Variants in LCA5L observed in about 807,000 individuals in gnomAD.
The protein encoded by LCA5L is lebercilin LCA5 like.
LCA5L carries 35 observed loss-of-function variants against 45.4 expected under a neutral mutation model. That is an observed-to-expected ratio of 0.77 (90% CI 0.59 to 1.02). The LOEUF is 1.02. Ranked by LOEUF, LCA5L falls within the 50% of genes least tolerant of loss-of-function variation. The pLI, the probability that LCA5L is intolerant of heterozygous loss-of-function variation, is 0.00. For synonymous variants in LCA5L, 233 were observed against 264.7 expected, an observed-to-expected ratio of 0.88 and a Z score of 1.16; for missense variants, 668 against 761.6, an observed-to-expected ratio of 0.88 and a Z score of 1.45.
intron 3 of LCA5L, among the ~76,000 whole-genome samples, chr21:39,433,960 A>G (rs1327495531): frequency 7.7e-6 from 1 of 130,386 alleles, no homozygotes; most frequent in African/African-American, 3.0e-5. Flanking sequence ...GTAGAGACAG[A>G]GTTTTGCCAA....
intron 2 of LCA5L, among the ~76,000 whole-genome samples, chr21:39,443,060 G>A (rs1022087098): frequency 6.6e-6 from 1 of 152,154 alleles, no homozygotes; most frequent in African/African-American, 2.4e-5. Context: ...AGTGAAATGG[G>A]GGCAGCAGTT....
chr21:39,420,197 G>A (rs781099476), intron 7 of LCA5L, among the ~76,000 whole-genome samples: 1 of 152,046 alleles, frequency 6.6e-6, no homozygotes, highest in African/African-American at 2.4e-5. Flanking sequence ...TATGATTGTA[G>A]AGAAAATATC....
At chr21:39,420,605 T>C in intron 7 of LCA5L, 101 bp downstream of exon 7, 1 of 973,736 alleles carries the variant, frequency 1.0e-6, no homozygotes, top group African/African-American at 1.6e-5. Flanking sequence ...CTTATATATG[T>C]ATGTAAAATA....
intron 7 of LCA5L, among the ~76,000 whole-genome samples, chr21:39,414,673 TAG>T (rs1486331740): frequency 6.6e-6 from 1 of 150,760 alleles, no homozygotes; most frequent in East Asian, 2.0e-4. Flanking sequence ...CTGCCAAGGC[TAG>T]GTCATAAAAG....
chr21:39,431,596 C>A (rs2075728587), intron 3 of LCA5L, among the ~76,000 whole-genome samples: 1 of 152,070 alleles, frequency 6.6e-6, no homozygotes, highest in South Asian at 2.1e-4. Context: ...CGGCTCACTG[C>A]AACCTCTGCC....
intron 7 of LCA5L, among the ~76,000 whole-genome samples, chr21:39,419,529 A>AAAAAAAG (rs1200745871): frequency 6.8e-6 from 1 of 147,276 alleles, no homozygotes; most frequent in Non-Finnish European, 1.5e-5. Flanking sequence ...TGTTCAAAAA[A>AAAAAAAG]AAAAAAGAAA....
At chr21:39,414,080 T>G (rs1321010217) in intron 7 of LCA5L, 1 of 152,194 alleles carries the variant, frequency 6.6e-6, no homozygotes. Context: ...ACTTGTGTGG[T>G]TGGGTTCAGT....
At chr21:39,445,416 A>G (rs1244225402) in intron 1 of LCA5L, 1 of 152,344 alleles carries the variant, frequency 6.6e-6, no homozygotes, top group Non-Finnish European at 1.5e-5. Context: ...CCCCCTCGCC[A>G]GACCCAGGCG....
At chr21:39,433,605 C>G (rs932042950) in intron 3 of LCA5L, among the ~76,000 whole-genome samples, 1 of 152,006 alleles carries the variant, frequency 6.6e-6, no homozygotes, top group Admixed American at 6.6e-5. Flanking sequence ...TGCTTCAGCA[C>G]CGTTTGTTGC....
intron 4 of LCA5L, 72 bp from the exon 5 acceptor site, chr21:39,428,575 ATTTTATATATATATATATATATAT>A: frequency 4.5e-5 from 3 of 66,746 alleles, no homozygotes. Context: ...CCTATGCTTT[ATTTTATATATATATATATATATAT>A]TTTTTTTTTT....
intron 6 of LCA5L, chr21:39,422,759 G>T (rs1054923645): frequency 5.2e-6 from 3 of 579,484 alleles, no homozygotes; most frequent in Non-Finnish European, 6.0e-6. Flanking sequence ...CTTGTGCACT[G>T]CAACAGATGA....
At chr21:39,414,742 C>CTCTT (rs1341489035) in intron 7 of LCA5L, among the ~76,000 whole-genome samples, 1 of 99,178 alleles carries the variant, frequency 1.0e-5, no homozygotes, top group Non-Finnish European at 1.9e-5. Flanking sequence ...CTCTCTCTCT[C>CTCTT]TGTGTGTGTG....
intron 5 of LCA5L, among the ~76,000 whole-genome samples, chr21:39,426,625 A>G (rs2074756502): frequency 6.6e-6 from 1 of 152,256 alleles, no homozygotes; most frequent in Non-Finnish European, 1.5e-5. Context: ...ACTAAGTGAA[A>G]TAACTAAAGA....
intron 10 of LCA5L, among the ~76,000 whole-genome samples, chr21:39,407,004 A>G (rs2039180329): frequency 6.6e-6 from 1 of 152,186 alleles, no homozygotes; most frequent in South Asian, 2.1e-4. Context: ...AGGCAGGAGG[A>G]CTGTTTGAGC....
rs184105746 is a variant in LCA5L at position 39,423,338 on chromosome 21, C to G, written c.475G>C (p.Ala159Pro). The G allele has an allele frequency of 4.3e-6, 7 of 1,612,978 alleles. No individual in the cohort carries two copies. The highest frequency in any genetic ancestry group is 5.9e-6 in the Non-Finnish European group (7 of 1,179,876). The change falls in exon 6 of 11, where the codon GCT becomes CCT. Residue 159 changes from alanine (A) to proline (P), a missense_variant. Ala to Pro is a conservative substitution (Grantham distance 27, BLOSUM62 -1). Coordinates refer to ENST00000288350, the MANE Select transcript of LCA5L (RefSeq NM_152505.4). ...GCTTCCAATTTATGATGCATATCAG[C>G]TAATTCATTTTTTAGTCCTTTAATT... The part of the protein sequence containing the change: ...HKIKGLKNEL[A>P]DMHHKLEAIL...
chr21:39,425,924 C>T (rs937130489), intron 5 of LCA5L: 1 of 152,292 alleles, frequency 6.6e-6, no homozygotes, highest in African/African-American at 2.4e-5. Flanking sequence ...GCCATGGCCA[C>T]AGGAGCTCTG....
chr21:39,421,683 A>G (rs1429599022), intron 6 of LCA5L: 3 of 152,214 alleles, frequency 2.0e-5, no homozygotes, highest in East Asian at 1.9e-4. Context: ...CTCCTCCATT[A>G]TAACAGCAGT....
intron 7 of LCA5L, among the ~76,000 whole-genome samples, chr21:39,415,390 T>A (rs2147353622): frequency 6.6e-6 from 1 of 152,320 alleles, no homozygotes; most frequent in Admixed American, 6.5e-5. Flanking sequence ...AAAATAAAAG[T>A]AGAATAGTAC....
chr21:39,426,369 A>G (rs907816435), intron 5 of LCA5L, among the ~76,000 whole-genome samples: 1 of 152,222 alleles, frequency 6.6e-6, no homozygotes, highest in Non-Finnish European at 1.5e-5. Flanking sequence ...TCTCTTGTAG[A>G]AAGTTTTATA....
Sources: allele counts gnomAD v4.1 joint callset (sites outside exome capture counted in the v4.1 genomes callset), GRCh38; gene constraint gnomAD v4.1.1; transcripts MANE v1.5; gene names NCBI Gene and HGNC (gene_info 2026-07-23, HGNC 2026-07-21).